CDKN1A: variants seen among roughly 807,000 people sequenced by gnomAD.
CDKN1A encodes cyclin-dependent kinase inhibitor 1.
Under a neutral mutation model 14.8 loss-of-function variants are expected in CDKN1A, and 14 were observed. That is an observed-to-expected ratio of 0.94 (90% CI 0.62 to 1.48). The LOEUF is 1.48. Among genes scored for constraint, CDKN1A ranks in the 40% most tolerant of loss-of-function variants. CDKN1A has a pLI of 0.00. For missense variants in CDKN1A, 203 were observed against 231.7 expected (o/e 0.88, Z 0.80); for synonymous variants, 92 against 93.5 (o/e 0.98, Z 0.09).
At position 36,684,035 on chromosome 6, in the gene CDKN1A, G is replaced by T. The variant is rs532026768; in HGVS notation, c.-5-62G>T. ...ACCTGAGGTGACACAGCAAAGCCCG[G>T]CCAGGTAACATAGTGTCTAATCTCC... On this transcript the variant is annotated intron_variant, in intron 1 of 2. Coordinates refer to ENST00000244741, the MANE Select transcript of CDKN1A (RefSeq NM_000389.5). This position sits in a 1 kb window ranked among gnomAD's most constrained non-coding sequence, Gnocchi z 6.0. 9.5e-5 allele frequency: 145 copies of T among 1,527,524 alleles called. 1 individual carries two copies. In the East Asian group the frequency reaches 3.2e-3, roughly 34 times the overall value. The allele number at this position is 1,527,524 out of a possible 1,614,324, so 94.6% of individuals were successfully genotyped here.
chr6:36,685,747 T>C lies in CDKN1A; in HGVS notation c.446-4T>C, dbSNP rs1288824367. The C allele has an allele frequency of 6.2e-7, 1 of 1,613,976 alleles. No homozygotes were observed. Among genetic ancestry groups the C allele is most frequent in the African/African-American group, 1.3e-5 (1 of 74,908 alleles). ...CCTGGCTGACTTCTGCTGTCTCTCCTCAGATTTCTACCACTCCAAACGCCG... is the reference window on the plus strand; with the variant it reads ...CCTGGCTGACTTCTGCTGTCTCTCCCCAGATTTCTACCACTCCAAACGCCG... On this transcript the variant is annotated splice_polypyrimidine_tract_variant and splice_region_variant and intron_variant, in intron 2 of 2. Transcript: ENST00000244741.
rs1166966995 is a variant in CDKN1A at position 36,684,958 on chromosome 6, G to A, written c.445+412G>A. Among the ~76,000 whole-genome samples the A allele has an allele frequency of 6.6e-6, 1 of 152,076 alleles. No homozygotes were observed. The highest frequency in any genetic ancestry group is 2.4e-5 in the African/African-American group (1 of 41,398). On this transcript the variant is annotated intron_variant, in intron 2 of 2. Coordinates refer to ENST00000244741, the MANE Select transcript of CDKN1A (RefSeq NM_000389.5). The surrounding 1 kb of genome is among the most constrained non-coding windows in gnomAD (Gnocchi z 6.0). The stretch of plus-strand genomic sequence containing the variant: ...GCGATCTTCCTACCTCAGCCTCCTG[G>A]GTAGCTGGGAAGCTGGGACTATAGT...
chr6:36,684,853 A>T lies in CDKN1A; in HGVS notation c.445+307A>T, dbSNP rs191234495. Among the ~76,000 whole-genome samples, 2 of 152,324 alleles carry T rather than the reference A, an allele frequency of 1.3e-5. No individual in the cohort carries two copies. The highest frequency in any genetic ancestry group is 3.9e-4 in the East Asian group (2 of 5,184). ...CCCTGCCCGCCTTTCTTTTTGAGAC[A>T]GGTGTCTTAACTCTGTTGGCCAGAC... On this transcript the variant is annotated intron_variant, in intron 2 of 2. Coordinates refer to ENST00000244741, the MANE Select transcript of CDKN1A (RefSeq NM_000389.5). The surrounding 1 kb of genome is among the most constrained non-coding windows in gnomAD (Gnocchi z 6.0).
At chr6:36,679,079 C>T (rs1761805255) in intron 1 of CDKN1A, 3 of 769,820 alleles carry the variant, frequency 3.9e-6, no homozygotes, top group Non-Finnish European at 4.7e-6. Flanking sequence ...TGGTCACGCT[C>T]CCCGCCCCTG....
intron 1 of CDKN1A, among the ~76,000 whole-genome samples, chr6:36,680,291 TGC>T: frequency 2.1e-5 from 2 of 95,170 alleles, no homozygotes; most frequent in African/African-American, 3.8e-5. Context: ...CGCGCGCGCG[TGC>T]GTGTCTGCGC....
chr6:36,678,763 C>G lies in CDKN1A; in HGVS notation c.-41C>G, dbSNP rs1370234474. 30 of 985,592 alleles carry G rather than the reference C, an allele frequency of 3.0e-5. No individual in the cohort carries two copies. Among genetic ancestry groups the G allele is most frequent in the Non-Finnish European group, 3.6e-5 (30 of 830,178 alleles). 61.1% of individuals were successfully genotyped at this position (985,592 alleles called of 1,614,324 possible). A position where few individuals can be genotyped will look rare whatever the true frequency, so the allele number is the denominator to read the frequency against. Reference sequence around the variant, plus strand: ...AGTTCCTTGTGGAGCCGGAGCTGGGCGCGGATTCGCCGAGGCACCGAGGCA... The same window carrying G: ...AGTTCCTTGTGGAGCCGGAGCTGGGGGCGGATTCGCCGAGGCACCGAGGCA... On this transcript the variant is annotated 5_prime_UTR_variant, in exon 1 of 3. Coordinates refer to ENST00000244741, the MANE Select transcript of CDKN1A (RefSeq NM_000389.5). The surrounding 1 kb of genome is among the most constrained non-coding windows in gnomAD (Gnocchi z 5.7).
At chr6:36,679,232 G>A (rs900767148) in intron 1 of CDKN1A, among the ~76,000 whole-genome samples, 2 of 152,216 alleles carry the variant, frequency 1.3e-5, no homozygotes, top group African/African-American at 4.8e-5. Flanking sequence ...CAGGAAGGGC[G>A]AGGAAAGCGG....
intron 1 of CDKN1A, among the ~76,000 whole-genome samples, chr6:36,681,334 TTTTC>T (rs1554185367): frequency 1.2e-5 from 1 of 86,136 alleles, no homozygotes; most frequent in African/African-American, 4.3e-5. Flanking sequence ...CTTTCTTTCT[TTTTC>T]TTTCTTTCTT....
chr6:36,677,931 C>A (rs1434221016), upstream of CDKN1A: 3 of 1,323,824 alleles, frequency 2.3e-6, no homozygotes, highest in African/African-American at 4.4e-5. Flanking sequence ...TTCTTCTGTT[C>A]AGGTGAGTGT....
intron 1 of CDKN1A, among the ~76,000 whole-genome samples, chr6:36,681,270 TTCTTTCTTTTTTTC>T (rs1241081904): frequency 1.2e-5 from 1 of 86,046 alleles, no homozygotes; most frequent in Non-Finnish European, 2.4e-5. Flanking sequence ...GTGCTTTTCT[TTCTTTCTTTTTTTC>T]TTTCTTTCTT....
intron 1 of CDKN1A, among the ~76,000 whole-genome samples, chr6:36,681,617 C>T (rs1362314139): frequency 2.0e-5 from 2 of 100,178 alleles, no homozygotes; most frequent in South Asian, 3.7e-4. Flanking sequence ...TTTTGAGATG[C>T]GGTCTCGCTC....
In CDKN1A at chr6:36,684,172, C is replaced by G; in HGVS notation, c.71C>G (p.Pro24Arg). ...GSKACRRLFG[P>R]VDSEQLSRDC... Reference sequence around the variant, plus strand: ...AAGGCCTGCCGCCGCCTCTTCGGCCCAGTGGACAGCGAGCAGCTGAGCCGC... The same window carrying G: ...AAGGCCTGCCGCCGCCTCTTCGGCCGAGTGGACAGCGAGCAGCTGAGCCGC... Residue 24 changes from proline (P) to arginine (R), a missense_variant, in exon 2 of 3, where the codon CCA (proline) becomes CGA (arginine). Transcript: ENST00000244741. The surrounding 1 kb of genome is among the most constrained non-coding windows in gnomAD (Gnocchi z 6.0). The G allele has an allele frequency of 6.2e-7, 1 of 1,612,346 alleles. No individual in the cohort carries two copies. Among genetic ancestry groups the G allele is most frequent in the Non-Finnish European group, 8.5e-7 (1 of 1,180,008 alleles).
chr6:36,684,066 G>T lies in CDKN1A; in HGVS notation c.-5-31G>T. 1 of 1,607,680 alleles carries T rather than the reference G, an allele frequency of 6.2e-7. No homozygotes were observed. Among genetic ancestry groups the T allele is most frequent in the South Asian group, 1.1e-5 (1 of 90,436 alleles). On this transcript the variant is annotated intron_variant, in intron 1 of 2. Transcript: ENST00000244741. This position sits in a 1 kb window ranked among gnomAD's most constrained non-coding sequence, Gnocchi z 6.0. ...TAACATAGTGTCTAATCTCCGCCGT[G>T]ACCAGGGCCTTCCTTGTATCTCTGC...
At chr6:36,679,360 C>G (rs1761819143) in intron 1 of CDKN1A, among the ~76,000 whole-genome samples, 1 of 152,184 alleles carries the variant, frequency 6.6e-6, no homozygotes, top group Non-Finnish European at 1.5e-5. Flanking sequence ...CCTGGCTGAG[C>G]GCTGAGGTCA....
chr6:36,678,701 A>C, upstream of CDKN1A: 1 of 985,412 alleles, frequency 1.0e-6, no homozygotes, highest in Non-Finnish European at 1.2e-6. This position sits in a 1 kb window ranked among gnomAD's most constrained non-coding sequence, Gnocchi z 5.7. Flanking sequence ...GGCCGCGCTG[A>C]GCTGCGCCAG....
chr6:36,685,763 C>G lies in CDKN1A; in HGVS notation c.458C>G (p.Ser153Cys). 3.7e-6 allele frequency: 6 copies of G among 1,614,226 alleles called. No individual in the cohort carries two copies. Among genetic ancestry groups the G allele is most frequent in the Non-Finnish European group, 5.1e-6 (6 of 1,180,028 alleles). Residue 153 changes from serine to cysteine, a missense_variant, in exon 3 of 3, where the codon TCC (serine) becomes TGC (cysteine). Ser to Cys is a moderately radical substitution (Grantham distance 112). Transcript: ENST00000244741. ...RQTSMTDFYH[S>C]KRRLIFSKRK... is the part of the protein sequence containing the mutation. Reference sequence around the variant, plus strand: ...TGTCTCTCCTCAGATTTCTACCACTCCAAACGCCGGCTGATCTTCTCCAAG... The same window carrying G: ...TGTCTCTCCTCAGATTTCTACCACTGCAAACGCCGGCTGATCTTCTCCAAG...
At chr6:36,681,624 G>A (rs3176339) in intron 1 of CDKN1A, among the ~76,000 whole-genome samples, 6,307 of 118,190 alleles carry the variant, frequency 0.053, 226 homozygotes, top group Non-Finnish European at 0.077. Flanking sequence ...ATGCGGTCTC[G>A]CTCTGTCACC....
At chr6:36,681,411 T>TTTTC (rs1554185415) in intron 1 of CDKN1A, among the ~76,000 whole-genome samples, 1 of 88,788 alleles carries the variant, frequency 1.1e-5, no homozygotes, top group Non-Finnish European at 2.3e-5. Context: ...CTTTCTTCCT[T>TTTTC]TCTCTTTCTC....
chr6:36,677,831 C>A, upstream of CDKN1A: 1 of 1,348,584 alleles, frequency 7.4e-7, no homozygotes, highest in Non-Finnish European at 9.8e-7. Flanking sequence ...GCAGTGTATA[C>A]GGGCTATGTG....
Sources: allele counts gnomAD v4.1 joint callset (sites outside exome capture counted in the v4.1 genomes callset), GRCh38; gene constraint gnomAD v4.1.1; non-coding constraint Gnocchi (gnomAD v3.1); transcripts MANE v1.5; gene names NCBI Gene and HGNC (gene_info 2026-07-23, HGNC 2026-07-21).